The following TLN2 variants were observed in gnomAD, a reference collection of about 807,000 sequenced individuals.
TLN2 encodes the protein talin-2.
A neutral mutation model predicts 294.7 loss-of-function variants in TLN2; 118 were observed. That is an observed-to-expected ratio of 0.40 (90% CI 0.34 to 0.47). TLN2 has a LOEUF of 0.47. Among genes scored for constraint, TLN2 ranks in the 20% least tolerant of loss-of-function variants. The pLI, the probability that TLN2 is intolerant of heterozygous loss-of-function variation, is 0.84. For missense variants in TLN2, 3,083 were observed against 3,282.2 expected (o/e 0.94, Z 1.48); for synonymous variants, 1,431 against 1,304.5 (o/e 1.10, Z -2.09).
At chr15:62,708,475 C>T (rs1473524199) in intron 20 of TLN2, 27 bp from the exon 21 acceptor site, 1 of 1,605,654 alleles carries the variant, frequency 6.2e-7, no homozygotes, top group South Asian at 1.1e-5. Flanking sequence ...ACCACAGTGC[C>T]CAAAACCTGT....
At chr15:62,781,989 T>C (rs921174017) in intron 44 of TLN2, among the ~76,000 whole-genome samples, 2 of 152,214 alleles carry the variant, frequency 1.3e-5, no homozygotes, top group African/African-American at 4.8e-5. Flanking sequence ...TAGGAGTCCA[T>C]AGAAAAAGTT....
chr15:62,811,235 A>G (rs1307571136), intron 52 of TLN2, among the ~76,000 whole-genome samples: 1 of 152,236 alleles, frequency 6.6e-6, no homozygotes, highest in Non-Finnish European at 1.5e-5. Context: ...TTTTTGGGAA[A>G]GTAGCCAGTC....
intron 50 of TLN2, among the ~76,000 whole-genome samples, chr15:62,804,889 T>G (rs1222897421): frequency 6.6e-5 from 10 of 150,866 alleles, no homozygotes; most frequent in Non-Finnish European, 1.3e-4. Flanking sequence ...CAGAGGCACA[T>G]TCAGCACATA....
intron 3 of TLN2, among the ~76,000 whole-genome samples, chr15:62,628,146 T>A (rs1227319936): frequency 6.6e-6 from 1 of 152,266 alleles, no homozygotes; most frequent in Non-Finnish European, 1.5e-5. Context: ...TGATGGTTAT[T>A]GCTCAATTTA....
intron 1 of TLN2, among the ~76,000 whole-genome samples, chr15:62,509,260 C>T (rs1199321357): frequency 1.4e-5 from 2 of 145,756 alleles, no homozygotes; most frequent in East Asian, 2.0e-4. Flanking sequence ...GCTTATTTTC[C>T]GTAAAATGTC....
chr15:62,734,744 A>T (rs906781005), intron 28 of TLN2, among the ~76,000 whole-genome samples: 1 of 152,212 alleles, frequency 6.6e-6, no homozygotes, highest in African/African-American at 2.4e-5. Flanking sequence ...ATTAGATCGT[A>T]GTTTTATATC....
At chr15:62,683,480 G>T (rs999224574) in intron 11 of TLN2, among the ~76,000 whole-genome samples, 1 of 129,910 alleles carries the variant, frequency 7.7e-6, no homozygotes, top group Non-Finnish European at 1.7e-5. Context: ...CCTCTCATTG[G>T]TAGAATGCCT....
At chr15:62,818,402 G>A (rs1417507096) in intron 52 of TLN2, among the ~76,000 whole-genome samples, 3 of 152,338 alleles carry the variant, frequency 2.0e-5, no homozygotes, top group Admixed American at 6.5e-5. Flanking sequence ...ACATGAGGAA[G>A]GGATAGGATG....
Position 62,708,751 on chromosome 15 carries a change from A to G in TLN2, c.2422A>G (p.Ile808Val). 6.2e-7 allele frequency: 1 copy of G among 1,609,466 alleles called. No homozygotes were observed. The highest frequency in any genetic ancestry group is 8.5e-7 in the Non-Finnish European group (1 of 1,179,980). Residue 808 changes from isoleucine to valine, a missense_variant, in exon 21 of 59, where the codon ATC (isoleucine) becomes GTC (valine). By Grantham distance (29) the Ile-to-Val change is conservative (BLOSUM62 3). Transcript: ENST00000636159. ...CCGCTACGACCAGGCTACTGACACCATCATGTGTGTCACCGAGAGCATCTT... is the reference window on the plus strand; with the variant it reads ...CCGCTACGACCAGGCTACTGACACCGTCATGTGTGTCACCGAGAGCATCTT... ...IGRYDQATDT[I>V]MCVTESIFSS...
intron 3 of TLN2, among the ~76,000 whole-genome samples, chr15:62,634,879 A>G (rs1187441439): frequency 2.0e-5 from 3 of 152,134 alleles, no homozygotes; most frequent in Admixed American, 6.5e-5. Flanking sequence ...TCTCTCTGTC[A>G]TTTCGACTGT....
intron 37 of TLN2, 115 bp from the exon 38 acceptor site, chr15:62,761,566 A>C: frequency 1.4e-6 from 2 of 1,432,974 alleles, no homozygotes; most frequent in South Asian, 1.2e-5. Context: ...TGAAGTCACC[A>C]GAGATTTTCA....
intron 1 of TLN2, among the ~76,000 whole-genome samples, chr15:62,523,068 A>G (rs754606843): frequency 9.2e-5 from 14 of 152,058 alleles, no homozygotes; most frequent in East Asian, 1.9e-4. Context: ...AAGGTTATCT[A>G]TAGTTTAGAT....
At chr15:62,827,476 GAGT>G (rs1336378471) in intron 54 of TLN2, among the ~76,000 whole-genome samples, 3 of 152,188 alleles carry the variant, frequency 2.0e-5, no homozygotes, top group Non-Finnish European at 4.4e-5. Flanking sequence ...ACAGAAAACT[GAGT>G]AACTGATACC....
At chr15:62,625,217 T>G (rs1462220694) in intron 3 of TLN2, among the ~76,000 whole-genome samples, 1 of 152,116 alleles carries the variant, frequency 6.6e-6, no homozygotes, top group Non-Finnish European at 1.5e-5. Context: ...GGCTTCAGAC[T>G]ATGACTCAGG....
At chr15:62,619,746 A>G (rs1330153539) in intron 3 of TLN2, among the ~76,000 whole-genome samples, 1 of 152,174 alleles carries the variant, frequency 6.6e-6, no homozygotes, top group African/African-American at 2.4e-5. Context: ...AGGAGAAAGG[A>G]AGTATTCTTC....
At position 62,752,328 on chromosome 15, in the gene TLN2, G is replaced by A; in HGVS notation, c.4233G>A (p.Gly1411=). The change falls in exon 35 of 59, where the codon GGG becomes GGA. Residue 1411 remains glycine, a synonymous_variant. Coordinates refer to ENST00000636159, the MANE Select transcript of TLN2 (RefSeq NM_015059.3). ...AGGTTCTGGGTGAATCGATGGCAGG[G>A]ATTTCACAGAATGCCAAGACCGGAG... ...NSKVLGESMA[G]ISQNAKTGDL... is the part of the protein sequence containing the mutation. The A allele has an allele frequency of 6.2e-7, 1 of 1,614,172 alleles. No homozygotes were observed. Among genetic ancestry groups the A allele is most frequent in the Non-Finnish European group, 8.5e-7 (1 of 1,180,028 alleles).
intron 3 of TLN2, among the ~76,000 whole-genome samples, chr15:62,631,785 G>A (rs2049928123): frequency 7.3e-6 from 1 of 137,026 alleles, no homozygotes; most frequent in African/African-American, 2.7e-5. Flanking sequence ...GTCTCCCTAT[G>A]TTTCCCAAGC....
At chr15:62,839,552 G>A (rs150379141) in intron 58 of TLN2, among the ~76,000 whole-genome samples, 4 of 152,306 alleles carry the variant, frequency 2.6e-5, no homozygotes, top group Admixed American at 6.5e-5. Flanking sequence ...TCTGACTTAC[G>A]CAGGATTGCA....
chr15:62,493,831 G>A (rs897887797), intron 1 of TLN2, among the ~76,000 whole-genome samples: 12 of 152,036 alleles, frequency 7.9e-5, no homozygotes, highest in Non-Finnish European at 1.3e-4. Flanking sequence ...GGCTGGTCTC[G>A]ATCTCCTGAC....
Sources: allele counts gnomAD v4.1 joint callset (sites outside exome capture counted in the v4.1 genomes callset), GRCh38; gene constraint gnomAD v4.1.1; transcripts MANE v1.5; gene names NCBI Gene and HGNC (gene_info 2026-07-23, HGNC 2026-07-21).